The following ROBO2 variants were observed in gnomAD, a reference collection of about 807,000 sequenced individuals.
The protein encoded by ROBO2 is roundabout guidance receptor 2, also known as roundabout homolog 2.
A neutral mutation model predicts 160.8 loss-of-function variants in ROBO2; 53 were observed. That is an observed-to-expected ratio of 0.33 (90% CI 0.26 to 0.41). The LOEUF is 0.41. Among genes scored for constraint, ROBO2 ranks in the 10% least tolerant of loss-of-function variants. ROBO2 has a pLI of 1.00. For synonymous variants in ROBO2, 664 were observed against 611.7 expected, an observed-to-expected ratio of 1.09 and a Z score of -1.26; for missense variants, 1,577 against 1,722.4, an observed-to-expected ratio of 0.92 and a Z score of 1.49.
chr3:76,889,580 T>G (rs1336185728), intron 2 of ROBO2, among the ~76,000 whole-genome samples: 1 of 152,172 alleles, frequency 6.6e-6, no homozygotes, highest in African/African-American at 2.4e-5. Context: ...GGAATAATAA[T>G]ATGGTCATGT....
At chr3:76,752,773 A>G (rs1474795749) in intron 2 of ROBO2, among the ~76,000 whole-genome samples, 1 of 151,956 alleles carries the variant, frequency 6.6e-6, no homozygotes, top group African/African-American at 2.4e-5. Flanking sequence ...TGAATATGCT[A>G]ATTTGCACTC....
intron 23 of ROBO2, among the ~76,000 whole-genome samples, chr3:77,628,013 A>G (rs2095067719): frequency 6.6e-6 from 1 of 152,190 alleles, no homozygotes; most frequent in Non-Finnish European, 1.5e-5. Context: ...CCACTTTATC[A>G]TGATATTTTA....
intron 2 of ROBO2, among the ~76,000 whole-genome samples, chr3:76,535,522 A>G (rs1433859360): frequency 6.6e-6 from 1 of 151,982 alleles, no homozygotes; most frequent in Non-Finnish European, 1.5e-5. Flanking sequence ...CAAGGGGAGG[A>G]TGAAAAAGAG....
chr3:77,236,966 T>A (rs777393430), intron 2 of ROBO2, among the ~76,000 whole-genome samples: 1 of 152,104 alleles, frequency 6.6e-6, no homozygotes, highest in East Asian at 1.9e-4. Flanking sequence ...CTCAACCTCC[T>A]GGGCTCAAGC....
chr3:76,930,643 C>T (rs1229092258), intron 2 of ROBO2, among the ~76,000 whole-genome samples: 1 of 152,160 alleles, frequency 6.6e-6, no homozygotes, highest in African/African-American at 2.4e-5. Context: ...CCACAATCTG[C>T]CTCCTGCAAG....
Position 76,431,154 on chromosome 3 carries a change from A to G in ROBO2, c.109+493552A>G, listed in dbSNP as rs561457058. ...ATAAAAGTTCATAAAAAGATAAACC[A>G]TTGCTTCAAGAAGTATACTGTGTAA... On this transcript the variant is annotated intron_variant, in intron 2 of 26. Coordinates refer to the ROBO2 transcript ENST00000487694. Among the ~76,000 whole-genome samples the G allele has an allele frequency of 3.3e-5, 5 of 152,246 alleles. No individual in the cohort carries two copies. The South Asian group carries it at 1.0e-3, about 32-fold the overall frequency.
intron 21 of ROBO2, among the ~76,000 whole-genome samples, chr3:77,609,654 T>C (rs1294762314): frequency 1.3e-5 from 2 of 151,842 alleles, no homozygotes; most frequent in African/African-American, 4.8e-5. Context: ...CTTTATTTTA[T>C]TATCTTGCAG....
At chr3:77,282,175 G>T (rs1427462175) in intron 2 of ROBO2, among the ~76,000 whole-genome samples, 2 of 152,032 alleles carry the variant, frequency 1.3e-5, no homozygotes, top group African/African-American at 4.8e-5. Flanking sequence ...TTTTGATGCA[G>T]TTTGCAGATA....
At chr3:77,005,738 C>T in intron 2 of ROBO2, among the ~76,000 whole-genome samples, 1 of 152,106 alleles carries the variant, frequency 6.6e-6, no homozygotes, top group East Asian at 1.9e-4. Context: ...TCTGAGGAAA[C>T]CCGACCCACA....
chr3:76,062,747 G>GA (rs1480303442), intron 2 of ROBO2, among the ~76,000 whole-genome samples: 1 of 152,182 alleles, frequency 6.6e-6, no homozygotes, highest in African/African-American at 2.4e-5. Flanking sequence ...AGGACTGTCA[G>GA]AACATAATCG....
chr3:77,151,060 G>A (rs1274152653), intron 2 of ROBO2, among the ~76,000 whole-genome samples: 1 of 152,104 alleles, frequency 6.6e-6, no homozygotes, highest in East Asian at 1.9e-4. Context: ...ATTAGAAGAT[G>A]TAACACTCTG....
intron 1 of ROBO2, among the ~76,000 whole-genome samples, chr3:77,070,405 AGT>A (rs372954752): frequency 5.3e-5 from 8 of 151,676 alleles, no homozygotes; most frequent in Non-Finnish European, 8.8e-5. Flanking sequence ...CCACTGTGTG[AGT>A]GTGTGTGTGT....
At chr3:76,017,700 C>G (rs1303362735) in intron 2 of ROBO2, among the ~76,000 whole-genome samples, 1 of 151,992 alleles carries the variant, frequency 6.6e-6, no homozygotes, top group Admixed American at 6.6e-5. Flanking sequence ...GACACACACT[C>G]AATGTCATAG....
At chr3:77,488,885 A>G (rs2085715138) in intron 4 of ROBO2, among the ~76,000 whole-genome samples, 2 of 152,236 alleles carry the variant, frequency 1.3e-5, no homozygotes, top group African/African-American at 4.8e-5. Flanking sequence ...GTTGGTTAAG[A>G]AAAGTGGAAA....
At chr3:76,126,241 AT>A (rs1178819318) in intron 2 of ROBO2, among the ~76,000 whole-genome samples, 2 of 152,140 alleles carry the variant, frequency 1.3e-5, no homozygotes, top group Non-Finnish European at 2.9e-5. Context: ...ACAAACATTA[AT>A]TTGAGAGGAG....
intron 2 of ROBO2, among the ~76,000 whole-genome samples, chr3:76,506,161 A>C (rs922070546): frequency 3.9e-5 from 6 of 152,192 alleles, no homozygotes; most frequent in African/African-American, 1.4e-4. Flanking sequence ...GGGAAACTCC[A>C]TATTCTTCAG....
At chr3:76,133,944 T>C (rs934786107) in intron 2 of ROBO2, among the ~76,000 whole-genome samples, 32 of 152,058 alleles carry the variant, frequency 2.1e-4, no homozygotes, top group African/African-American at 7.0e-4. Context: ...TCCAATCAAG[T>C]TGACACTCAA....
chr3:76,094,470 G>C (rs1213075390), intron 2 of ROBO2, among the ~76,000 whole-genome samples: 2 of 152,140 alleles, frequency 1.3e-5, no homozygotes, highest in Non-Finnish European at 2.9e-5. Context: ...AAGAGTTGTG[G>C]GAGAAGGATG....
intron 2 of ROBO2, among the ~76,000 whole-genome samples, chr3:76,124,070 T>A (rs1443126060): frequency 6.6e-6 from 1 of 151,468 alleles, no homozygotes; most frequent in Non-Finnish European, 1.5e-5. Context: ...TTTTTTTGTT[T>A]TAAAAAAACA....
Sources: allele counts gnomAD v4.1 joint callset (sites outside exome capture counted in the v4.1 genomes callset), GRCh38; gene constraint gnomAD v4.1.1; transcripts MANE v1.5; gene names NCBI Gene and HGNC (gene_info 2026-07-23, HGNC 2026-07-21).